Variants in TNFRSF10B observed in about 807,000 individuals in gnomAD.
TNFRSF10B encodes tumor necrosis factor receptor superfamily member 10B.
A neutral mutation model predicts 41.4 loss-of-function variants in TNFRSF10B; 35 were observed. The observed-to-expected ratio is 0.85, with a 90% CI of 0.65 to 1.12. TNFRSF10B has a LOEUF of 1.12. Ranked by LOEUF, TNFRSF10B falls within the 50% of genes most tolerant of loss-of-function variation. The pLI is 0.00. For synonymous variants in TNFRSF10B, 230 were observed against 215.5 expected, an observed-to-expected ratio of 1.07 and a Z score of -0.59; for missense variants, 584 against 552.7, an observed-to-expected ratio of 1.06 and a Z score of -0.57.
At chr8:23,040,372 TATATATACAAAATATATATTTATTAA>T (rs1257844538) in intron 2 of TNFRSF10B, among the ~76,000 whole-genome samples, 5 of 50,930 alleles carry the variant, frequency 9.8e-5, no homozygotes, top group East Asian at 1.8e-3. Context: ...ATTTAATAAA[TATATATACAAAATATATATTTATTAA>T]ATATATATAC....
At chr8:23,029,044 A>T (rs952178559) in intron 4 of TNFRSF10B, among the ~76,000 whole-genome samples, 1 of 152,130 alleles carries the variant, frequency 6.6e-6, no homozygotes, top group Non-Finnish European at 1.5e-5. Context: ...GCCAGAGAAG[A>T]GCAAATTACT....
intron 7 of TNFRSF10B, among the ~76,000 whole-genome samples, chr8:23,025,897 C>T (rs529637172): frequency 6.6e-6 from 1 of 152,182 alleles, no homozygotes; most frequent in Non-Finnish European, 1.5e-5. Flanking sequence ...GCAACATGAC[C>T]AAACCTCGTC....
intron 2 of TNFRSF10B, among the ~76,000 whole-genome samples, chr8:23,038,080 G>A (rs1328010044): frequency 6.6e-6 from 1 of 152,200 alleles, no homozygotes; most frequent in Non-Finnish European, 1.5e-5. Context: ...AAACCCTGCT[G>A]GCTGGATTGA....
At position 23,024,187 on chromosome 8, in the gene TNFRSF10B, C is replaced by T. The variant is rs1333275812; in HGVS notation, c.1009+1G>A. On this transcript the variant is annotated splice_donor_variant, in intron 8 of 8. Transcript: ENST00000276431. LOFTEE classifies it high-confidence loss of function. ...TGCATCTCCAGGAGCAAAACACTTA[C>T]TCTCAGTGGGATCACCTTCATTTGC... The T allele has an allele frequency of 9.3e-6, 15 of 1,614,024 alleles. No homozygotes were observed. Among genetic ancestry groups the T allele is most frequent in the Non-Finnish European group, 5.1e-6 (6 of 1,180,012 alleles).
At chr8:23,044,628 C>T (rs754446496) in intron 1 of TNFRSF10B, among the ~76,000 whole-genome samples, 1 of 151,954 alleles carries the variant, frequency 6.6e-6, no homozygotes, top group East Asian at 1.9e-4. Flanking sequence ...GTATGGGATG[C>T]AGCAAAAGCA....
intron 1 of TNFRSF10B, among the ~76,000 whole-genome samples, chr8:23,065,927 C>T (rs1407316595): frequency 6.6e-6 from 1 of 152,086 alleles, no homozygotes; most frequent in African/African-American, 2.4e-5. Context: ...TAAAACAGGT[C>T]ATCTAAAGCT....
chr8:23,068,705 C>T, intron 1 of TNFRSF10B, 46 bp downstream of exon 1: 1 of 1,545,150 alleles, frequency 6.5e-7, no homozygotes, highest in South Asian at 1.2e-5. Context: ...CCTCTCCAGG[C>T]GCCAGGCACG....
At chr8:23,041,059 T>G (rs1001871293) in intron 2 of TNFRSF10B, among the ~76,000 whole-genome samples, 89 of 42,154 alleles carry the variant, frequency 2.1e-3, no homozygotes, top group African/African-American at 3.8e-3. Context: ...AATTTTTTTT[T>G]TGTTGTTTTT....
intron 7 of TNFRSF10B, among the ~76,000 whole-genome samples, chr8:23,025,890 A>T (rs1359314689): frequency 6.6e-6 from 1 of 152,228 alleles, no homozygotes; most frequent in Non-Finnish European, 1.5e-5. Flanking sequence ...AGCCTAGGCA[A>T]CATGACCAAA....
At chr8:23,048,505 G>C (rs1812430946) in intron 1 of TNFRSF10B, among the ~76,000 whole-genome samples, 1 of 151,848 alleles carries the variant, frequency 6.6e-6, no homozygotes, top group Admixed American at 6.6e-5. Flanking sequence ...TAGAGTCTGG[G>C]CACGGGGGAA....
intron 1 of TNFRSF10B, among the ~76,000 whole-genome samples, chr8:23,055,245 C>T (rs565101334): frequency 5.9e-5 from 9 of 152,054 alleles, no homozygotes; most frequent in Non-Finnish European, 1.2e-4. Flanking sequence ...CTCTAAGCCC[C>T]TAAAATAGAC....
At chr8:23,057,331 C>A (rs1002745186) in intron 1 of TNFRSF10B, among the ~76,000 whole-genome samples, 6 of 151,360 alleles carry the variant, frequency 4.0e-5, no homozygotes, top group African/African-American at 1.5e-4. Context: ...AGGCGTGAGC[C>A]ACCGCGCCTG....
At chr8:23,068,550 G>T in intron 1 of TNFRSF10B, 1 of 751,006 alleles carries the variant, frequency 1.3e-6, no homozygotes, top group Non-Finnish European at 2.1e-6. Flanking sequence ...CGCGCGCTCT[G>T]TTCCCTGGCG....
At chr8:23,026,549 A>T (rs1811707780) in intron 7 of TNFRSF10B, among the ~76,000 whole-genome samples, 1 of 152,226 alleles carries the variant, frequency 6.6e-6, no homozygotes, top group African/African-American at 2.4e-5. Context: ...GGATAGTCTC[A>T]TCTTATGTTC....
intron 1 of TNFRSF10B, among the ~76,000 whole-genome samples, chr8:23,056,090 G>A (rs970982312): frequency 6.6e-6 from 1 of 152,098 alleles, no homozygotes; most frequent in Non-Finnish European, 1.5e-5. Flanking sequence ...TTTGGTCCAG[G>A]AACAGTATGG....
At chr8:23,058,912 A>T (rs1812747148) in intron 1 of TNFRSF10B, among the ~76,000 whole-genome samples, 1 of 152,184 alleles carries the variant, frequency 6.6e-6, no homozygotes, top group Non-Finnish European at 1.5e-5. Context: ...CTTATCTTTT[A>T]ATCTTTTAAA....
chr8:23,034,310 C>T (rs1277406359), intron 2 of TNFRSF10B, among the ~76,000 whole-genome samples: 1 of 152,204 alleles, frequency 6.6e-6, no homozygotes, highest in Admixed American at 6.5e-5. Flanking sequence ...TTGGAATAGA[C>T]ATACTCAGCA....
intron 1 of TNFRSF10B, among the ~76,000 whole-genome samples, chr8:23,062,763 C>T (rs555160724): frequency 1.1e-4 from 17 of 152,156 alleles, no homozygotes; most frequent in African/African-American, 2.7e-4. Flanking sequence ...TTTTGAAATT[C>T]GGTCATATTT....
intron 1 of TNFRSF10B, among the ~76,000 whole-genome samples, chr8:23,062,222 T>G (rs2128821247): frequency 6.6e-6 from 1 of 151,604 alleles, no homozygotes; most frequent in Non-Finnish European, 1.5e-5. Context: ...TTCTTTTTTC[T>G]TTTTCTTTCT....
Sources: gnomAD v4.1 joint callset for allele counts (sites outside exome capture counted in the v4.1 genomes callset) on GRCh38, gnomAD v4.1.1 for gene constraint, MANE v1.5 for transcripts, NCBI Gene and HGNC (gene_info 2026-07-23, HGNC 2026-07-21) for gene names.